The following TCF12 variants were observed in gnomAD, a reference collection of about 807,000 sequenced individuals.
The protein encoded by TCF12 is transcription factor 12, also known as DNA-binding protein HTF4.
In TCF12, 45 loss-of-function variants were observed where a neutral mutation model predicts 86.0. That is an observed-to-expected ratio of 0.52 (90% CI 0.41 to 0.67). TCF12 has a LOEUF of 0.67. Ranked by LOEUF, TCF12 falls within the 30% of genes least tolerant of loss-of-function variation. The pLI is 0.00. For missense variants in TCF12, 881 were observed against 859.9 expected (o/e 1.02, Z -0.31); for synonymous variants, 330 against 299.6 (o/e 1.10, Z -1.05).
chr15:56,975,632 GT>G (rs1289657932), intron 3 of TCF12, among the ~76,000 whole-genome samples: 22 of 139,290 alleles, frequency 1.6e-4, no homozygotes, highest in African/African-American at 5.8e-4. Flanking sequence ...AAAACTAGGG[GT>G]TTTTTTTGTT....
At chr15:57,189,439 A>C (rs1406227242) in intron 6 of TCF12, among the ~76,000 whole-genome samples, 1 of 152,198 alleles carries the variant, frequency 6.6e-6, no homozygotes, top group African/African-American at 2.4e-5. Context: ...TTGACTAGAC[A>C]TTCTTCCCAA....
intron 4 of TCF12, among the ~76,000 whole-genome samples, chr15:57,066,041 G>T (rs1396688718): frequency 1.3e-5 from 2 of 152,036 alleles, no homozygotes; most frequent in Non-Finnish European, 2.9e-5. Flanking sequence ...TAAAAGGTTT[G>T]GTGAGATAGT....
intron 5 of TCF12, among the ~76,000 whole-genome samples, chr15:57,149,834 T>C (rs146674751): frequency 2.6e-4 from 40 of 152,288 alleles, no homozygotes; most frequent in Middle Eastern, 3.4e-3. Flanking sequence ...GTTCTATCTT[T>C]TTCTGATCTG....
At chr15:57,132,971 AG>A (rs2052248649) in intron 5 of TCF12, among the ~76,000 whole-genome samples, 1 of 152,232 alleles carries the variant, frequency 6.6e-6, no homozygotes, top group Non-Finnish European at 1.5e-5. Context: ...AAACAAAGCC[AG>A]TGACTCTACA....
At chr15:57,268,500 G>A (rs186022638) in intron 18 of TCF12, among the ~76,000 whole-genome samples, 115 of 152,066 alleles carry the variant, frequency 7.6e-4, no homozygotes, top group Non-Finnish European at 1.2e-3. Flanking sequence ...TCCCATGCCC[G>A]CCTCAGCTTC....
At chr15:57,018,305 A>G (rs1348722425) in intron 3 of TCF12, among the ~76,000 whole-genome samples, 2 of 152,182 alleles carry the variant, frequency 1.3e-5, no homozygotes, top group African/African-American at 4.8e-5. Flanking sequence ...GATTGGCTAT[A>G]CATTGTTAAG....
intron 4 of TCF12, among the ~76,000 whole-genome samples, chr15:57,075,391 T>C (rs778494492): frequency 3.5e-4 from 53 of 152,324 alleles, no homozygotes; most frequent in Non-Finnish European, 6.0e-4. Context: ...ATGTTTTTTT[T>C]CCCAGCTCCT....
intron 4 of TCF12, among the ~76,000 whole-genome samples, chr15:57,068,780 G>A (rs1179083267): frequency 6.6e-6 from 1 of 152,114 alleles, no homozygotes; most frequent in Non-Finnish European, 1.5e-5. Flanking sequence ...AACTTGTACT[G>A]TGTGACCATG....
At chr15:57,079,394 A>G (rs979144399) in intron 4 of TCF12, among the ~76,000 whole-genome samples, 1 of 151,994 alleles carries the variant, frequency 6.6e-6, no homozygotes. Flanking sequence ...ACTGAGAAGC[A>G]TTAAAAAATC....
In TCF12 at chr15:56,929,102, A is replaced by C. The variant is rs376799209; in HGVS notation, c.148+8004A>C. Among the ~76,000 whole-genome samples, 73 of 152,304 alleles carry C rather than the reference A, an allele frequency of 4.8e-4. 1 individual carries two copies. Among genetic ancestry groups the C allele is most frequent in the African/African-American group, 1.7e-3 (72 of 41,578 alleles). On this transcript the variant is annotated intron_variant, in intron 3 of 20. Coordinates refer to ENST00000333725, the MANE Select transcript of TCF12 (RefSeq NM_207037.2). ...TTTCATTAATCATTGAGTAAAACTG[A>C]AGTTCTAAAGTTGCATCATTTTTGG...
chr15:57,093,761 C>A (rs1265612992), intron 5 of TCF12, among the ~76,000 whole-genome samples: 1 of 151,806 alleles, frequency 6.6e-6, no homozygotes, highest in East Asian at 1.9e-4. Context: ...TCATCCATAC[C>A]CTATGTATAA....
chr15:57,120,769 G>A (rs2615237), intron 5 of TCF12, among the ~76,000 whole-genome samples: 152,036 of 152,340 alleles, frequency 1, 75,869 homozygotes, highest in South Asian at 1. Context: ...AGGAATCTCA[G>A]TGTGTAGGAA....
chr15:56,953,190 G>C (rs1443655614), intron 3 of TCF12, among the ~76,000 whole-genome samples: 1 of 151,960 alleles, frequency 6.6e-6, no homozygotes, highest in African/African-American at 2.4e-5. Context: ...GCATTCCTCA[G>C]ATAAACCCCA....
intron 5 of TCF12, among the ~76,000 whole-genome samples, chr15:57,116,005 GTTTTGGA>G (rs1197756972): frequency 6.6e-6 from 1 of 152,090 alleles, no homozygotes; most frequent in Non-Finnish European, 1.5e-5. Flanking sequence ...GTTCCTTACT[GTTTTGGA>G]TTCTGTCATG....
intron 5 of TCF12, among the ~76,000 whole-genome samples, chr15:57,112,729 C>T (rs532156158): frequency 1.1e-4 from 16 of 152,040 alleles, no homozygotes; most frequent in Admixed American, 2.0e-4. Context: ...GTGCTAAACA[C>T]TGTGCTTAAG....
At chr15:57,128,333 A>G (rs925035678) in intron 5 of TCF12, among the ~76,000 whole-genome samples, 15 of 152,152 alleles carry the variant, frequency 9.9e-5, no homozygotes, top group African/African-American at 3.4e-4. Context: ...GCATTTGACA[A>G]AGGAAAAAGG....
In TCF12 at chr15:57,282,456, A is replaced by G. The variant is rs2061735069; in HGVS notation, c.1990A>G (p.Asn664Asp). Residue 664 changes from asparagine (N) to aspartate (D), a missense_variant, in exon 20 of 21, where the codon AAC becomes GAC. Around this residue, in one of 3 missense-constraint regions of TCF12, gnomAD observed 69 missense variants for 64.2 expected, o/e 1.07. Coordinates refer to ENST00000333725, the MANE Select transcript of TCF12 (RefSeq NM_207037.2). ...TCCCCCTGTTTTAGAGAGGAACCTT[A>G]ACCCCAAAGCAGCCTGCCTTAAGAG... The part of the protein sequence containing the change: ...LEQQVRERNL[N>D]PKAACLKRRE... 2.5e-6 allele frequency: 4 copies of G among 1,614,116 alleles called. No homozygotes were observed. Among genetic ancestry groups the G allele is most frequent in the Non-Finnish European group, 3.4e-6 (4 of 1,180,050 alleles).
chr15:57,171,063 C>A (rs1466430903), intron 6 of TCF12, among the ~76,000 whole-genome samples: 2 of 150,906 alleles, frequency 1.3e-5, no homozygotes, highest in African/African-American at 4.9e-5. Context: ...TAGGAGTTAT[C>A]CTTGGAGGAA....
intron 3 of TCF12, among the ~76,000 whole-genome samples, chr15:56,991,371 T>C (rs1352607945): frequency 6.6e-6 from 1 of 152,200 alleles, no homozygotes; most frequent in Non-Finnish European, 1.5e-5. Context: ...GTTGACCAGT[T>C]AGAGACATAG....
Sources: allele counts gnomAD v4.1 joint callset (sites outside exome capture counted in the v4.1 genomes callset), GRCh38; gene constraint gnomAD v4.1.1; regional missense constraint gnomAD v4.1.1; transcripts MANE v1.5; gene names NCBI Gene and HGNC (gene_info 2026-07-23, HGNC 2026-07-21).